The following ERC1 variants were observed in gnomAD, a reference collection of about 807,000 sequenced individuals.
ERC1 encodes RAB6 interacting protein 2.
In ERC1, 56 loss-of-function variants were observed where a neutral mutation model predicts 132.0. The ratio of observed to expected loss-of-function variants is 0.42; its 90% confidence interval spans 0.34 to 0.53. The LOEUF (loss-of-function observed/expected upper bound fraction) is 0.53. Among genes scored for constraint, ERC1 ranks in the 20% least tolerant of loss-of-function variants. The probability of loss-of-function intolerance (pLI) is 0.03; values close to 1 mark genes in which losing one functional copy is unlikely to be tolerated. For synonymous variants in ERC1, 478 were observed against 476.1 expected, an observed-to-expected ratio of 1.00 and a Z score of -0.05; for missense variants, 1,202 against 1,349.9, an observed-to-expected ratio of 0.89 and a Z score of 1.72.
intron 8 of ERC1, among the ~76,000 whole-genome samples, chr12:1,151,234 C>G (rs970772470): frequency 2.0e-5 from 3 of 152,052 alleles, no homozygotes; most frequent in African/African-American, 7.2e-5. Context: ...CTTGGTGGAC[C>G]CAAAACCTAT....
At chr12:1,211,028 C>A (rs1374695742) in intron 12 of ERC1, among the ~76,000 whole-genome samples, 2 of 151,534 alleles carry the variant, frequency 1.3e-5, no homozygotes, top group East Asian at 3.9e-4. Context: ...CTAGGTATTA[C>A]AAATTTCAAT....
intron 2 of ERC1, among the ~76,000 whole-genome samples, chr12:1,045,954 A>G (rs1376324002): frequency 3.9e-5 from 6 of 152,118 alleles, no homozygotes; most frequent in Non-Finnish European, 8.8e-5. Context: ...ACTTTAAATA[A>G]TCAGTCAACA....
chr12:1,249,731 C>T (rs914744273), intron 13 of ERC1, among the ~76,000 whole-genome samples: 2 of 152,178 alleles, frequency 1.3e-5, no homozygotes, highest in African/African-American at 4.8e-5. Flanking sequence ...AACTGGCTAG[C>T]TTATAAACAA....
chr12:1,319,701 G>A (rs539650730), intron 15 of ERC1, among the ~76,000 whole-genome samples: 27 of 152,074 alleles, frequency 1.8e-4, no homozygotes, highest in African/African-American at 6.3e-4. Flanking sequence ...TTACATTTTG[G>A]TATCATTATT....
At chr12:1,042,130 C>T (rs962040812) in intron 2 of ERC1, among the ~76,000 whole-genome samples, 2 of 151,996 alleles carry the variant, frequency 1.3e-5, no homozygotes, top group African/African-American at 4.8e-5. Flanking sequence ...CTCCGCTTCC[C>T]AGGTTCACGC....
chr12:1,289,263 A>G (rs7296700), intron 14 of ERC1, among the ~76,000 whole-genome samples: 4,340 of 150,378 alleles, frequency 0.029, 221 homozygotes, highest in African/African-American at 0.1. Context: ...ATAGGTATAT[A>G]GGGTTATATT....
intron 18 of ERC1, among the ~76,000 whole-genome samples, chr12:1,478,354 G>A (rs117956396): frequency 2.6e-5 from 4 of 152,192 alleles, no homozygotes; most frequent in Non-Finnish European, 5.9e-5. Flanking sequence ...ATACTCTTGT[G>A]GTCATTCAAG....
At chr12:1,123,862 G>A (rs990301536) in intron 7 of ERC1, among the ~76,000 whole-genome samples, 25 of 152,314 alleles carry the variant, frequency 1.6e-4, no homozygotes, top group African/African-American at 4.1e-4. Flanking sequence ...GGGCGTGGTG[G>A]CACGCACCTG....
intron 18 of ERC1, among the ~76,000 whole-genome samples, chr12:1,481,660 C>G (rs904789662): frequency 2.0e-5 from 3 of 152,166 alleles, no homozygotes; most frequent in Admixed American, 2.0e-4. Context: ...AGTGAAGGAA[C>G]ACTTCCTTCT....
At chr12:1,067,682 T>A (rs1480763809) in intron 2 of ERC1, among the ~76,000 whole-genome samples, 1 of 152,138 alleles carries the variant, frequency 6.6e-6, no homozygotes, top group Non-Finnish European at 1.5e-5. Flanking sequence ...GATCACTATT[T>A]ATTCAGCAGC....
intron 2 of ERC1, among the ~76,000 whole-genome samples, chr12:1,056,779 A>G (rs1448749001): frequency 6.6e-6 from 1 of 152,184 alleles, no homozygotes; most frequent in Non-Finnish European, 1.5e-5. Context: ...AGCTGCTGAC[A>G]TTCACCCATG....
rs1952330236 is a variant in ERC1, at chr12:1,165,539, C to A, written c.1738-15001C>A. 2.0e-5 allele frequency among the ~76,000 whole-genome samples: 3 copies of A among 152,118 alleles called. No individual in the cohort carries two copies. In the South Asian group the frequency reaches 6.2e-4, roughly 32 times the overall value. On this transcript the variant is annotated intron_variant, in intron 8 of 18. Transcript: ENST00000360905. Reference sequence around the variant, plus strand: ...GCCAAGATGGTCTTGATCTCCTGACCTCATGATCCACCCGCCTCGGCCTCC... The same window carrying A: ...GCCAAGATGGTCTTGATCTCCTGACATCATGATCCACCCGCCTCGGCCTCC...
intron 1 of ERC1, among the ~76,000 whole-genome samples, chr12:999,425 G>T (rs1961691603): frequency 6.6e-6 from 1 of 152,066 alleles, no homozygotes; most frequent in African/African-American, 2.4e-5. Context: ...TTTGTTAAAT[G>T]ACACCACTGG....
intron 1 of ERC1, among the ~76,000 whole-genome samples, chr12:1,004,206 C>T (rs968373142): frequency 6.6e-6 from 1 of 152,044 alleles, no homozygotes; most frequent in Non-Finnish European, 1.5e-5. Context: ...GTTGCTTTTG[C>T]ACATGTCCTT....
At chr12:1,458,431 T>C (rs1165020814) in intron 18 of ERC1, among the ~76,000 whole-genome samples, 2 of 152,172 alleles carry the variant, frequency 1.3e-5, no homozygotes, top group Non-Finnish European at 2.9e-5. Context: ...TTGATATGAA[T>C]TCATGGTTTT....
At chr12:1,273,791 ATATC>A (rs1304744694) in intron 14 of ERC1, among the ~76,000 whole-genome samples, 4 of 152,180 alleles carry the variant, frequency 2.6e-5, no homozygotes, top group South Asian at 2.1e-4. Flanking sequence ...AGATACATGG[ATATC>A]TATCTATCTA....
At chr12:1,288,398 A>G (rs1389199825) in intron 14 of ERC1, among the ~76,000 whole-genome samples, 2 of 152,228 alleles carry the variant, frequency 1.3e-5, no homozygotes, top group Non-Finnish European at 2.9e-5. Context: ...TACAGGCACG[A>G]GCCACAGCGC....
In ERC1 at chr12:1,351,629, GGT is replaced by G. The variant is rs1345831521; in HGVS notation, c.2781-20202_2781-20201del. On this transcript the variant is annotated intron_variant, in intron 15 of 18. Transcript: ENST00000360905. ...TGGTGAGGTGTCTGTTAAGGTCTCTGGTGCATTTTCTTCCTTTTATCTTGTTT... is the reference window on the plus strand; with the variant it reads ...TGGTGAGGTGTCTGTTAAGGTCTCTGGCATTTTCTTCCTTTTATCTTGTTT... 1.2e-4 allele frequency among the ~76,000 whole-genome samples: 18 copies of G among 151,968 alleles called. 1 individual carries two copies. The highest frequency in any genetic ancestry group is 4.3e-4 in the African/African-American group (18 of 41,456).
At chr12:1,389,202 A>G (rs1323787175) in intron 16 of ERC1, among the ~76,000 whole-genome samples, 3 of 152,310 alleles carry the variant, frequency 2.0e-5, no homozygotes, top group Non-Finnish European at 4.4e-5. Flanking sequence ...AGAATATAAC[A>G]TGCTTATTTT....
Sources: allele counts gnomAD v4.1 joint callset (sites outside exome capture counted in the v4.1 genomes callset), GRCh38; gene constraint gnomAD v4.1.1; transcripts MANE v1.5; gene names NCBI Gene and HGNC (gene_info 2026-07-23, HGNC 2026-07-21).